The following PRKN variants were observed in gnomAD, a reference collection of about 807,000 sequenced individuals.
PRKN encodes parkin RBR E3 ubiquitin protein ligase.
Under a neutral mutation model 59.5 loss-of-function variants are expected in PRKN, and 56 were observed. The observed-to-expected ratio is 0.94, with a 90% confidence interval of 0.76 to 1.18. The LOEUF (loss-of-function observed/expected upper bound fraction) is 1.18, where lower values mean the gene tolerates loss of function less well. Ranked by LOEUF, PRKN falls within the 50% of genes most tolerant of loss-of-function variation. The probability of loss-of-function intolerance (pLI) is 0.00; values close to 1 mark genes in which losing one functional copy is unlikely to be tolerated. For missense variants in PRKN, 657 were observed against 596.4 expected, an observed-to-expected ratio of 1.10 and a Z score of -1.06; for synonymous variants, 250 against 222.1, an observed-to-expected ratio of 1.13 and a Z score of -1.12.
At chr6:162,429,193 T>C (rs1053039822) in intron 2 of PRKN, among the ~76,000 whole-genome samples, 1 of 152,182 alleles carries the variant, frequency 6.6e-6, no homozygotes, top group Non-Finnish European at 1.5e-5. Flanking sequence ...CATCTAGAAC[T>C]GGCTGGGGGC....
At chr6:162,672,487 C>A (rs1380120024) in intron 1 of PRKN, among the ~76,000 whole-genome samples, 1 of 152,036 alleles carries the variant, frequency 6.6e-6, no homozygotes, top group African/African-American at 2.4e-5. Flanking sequence ...AAAGAAGATA[C>A]AATGAAGTTG....
At chr6:162,716,646 G>A (rs1413555919) in intron 1 of PRKN, among the ~76,000 whole-genome samples, 2 of 152,188 alleles carry the variant, frequency 1.3e-5, no homozygotes, top group African/African-American at 4.8e-5. Context: ...AATGCACTAT[G>A]GGAGTCCAGG....
chr6:162,488,549 C>G (rs1792661171), intron 1 of PRKN, among the ~76,000 whole-genome samples: 1 of 152,284 alleles, frequency 6.6e-6, no homozygotes, highest in Non-Finnish European at 1.5e-5. Flanking sequence ...TCCTCAGAGG[C>G]TATCCAGCAT....
chr6:162,183,190 A>G (rs1783874200), intron 4 of PRKN, among the ~76,000 whole-genome samples: 1 of 152,152 alleles, frequency 6.6e-6, no homozygotes, highest in Non-Finnish European at 1.5e-5. Flanking sequence ...CACATTGAGA[A>G]CCACATGCAT....
In PRKN at chr6:162,201,182, T is replaced by G. The variant is rs137853057; in HGVS notation, c.483A>C (p.Lys161Asn). Residue 161 changes from lysine to asparagine, a missense_variant, in exon 4 of 12, where the codon AAA (lysine) becomes AAC (asparagine). Coordinates refer to ENST00000366898, the MANE Select transcript of PRKN (RefSeq NM_004562.3). ...TGCAGGTGCTGCACTGTACCCTGAG[T>G]TTTCCCGGCTGCACTCTTTGACAGG... ...KGPCQRVQPG[K>N]LRVQCSTCRQ... 1 of 1,613,934 alleles carries G rather than the reference T, an allele frequency of 6.2e-7. No individual in the cohort carries two copies.
At chr6:161,569,898 G>A (rs1021749100) in intron 7 of PRKN, among the ~76,000 whole-genome samples, 1 of 151,974 alleles carries the variant, frequency 6.6e-6, no homozygotes, top group Non-Finnish European at 1.5e-5. Context: ...CCATTCTTTG[G>A]GGGGCTCAGC....
At chr6:162,449,482 C>T (rs1190625161) in intron 1 of PRKN, among the ~76,000 whole-genome samples, 1 of 152,180 alleles carries the variant, frequency 6.6e-6, no homozygotes, top group African/African-American at 2.4e-5. Flanking sequence ...ATTTCATCTT[C>T]ATTGGGTTGT....
intron 7 of PRKN, among the ~76,000 whole-genome samples, chr6:161,743,844 G>A (rs1472501749): frequency 6.6e-6 from 1 of 152,194 alleles, no homozygotes; most frequent in Non-Finnish European, 1.5e-5. Context: ...TCATCGAGAA[G>A]TCTGGTCAAT....
chr6:161,570,146 A>AAAAATAT (rs869285771), intron 7 of PRKN, among the ~76,000 whole-genome samples: 3 of 76,588 alleles, frequency 3.9e-5, no homozygotes, highest in African/African-American at 2.1e-4. Flanking sequence ...AAAAAAAAAA[A>AAAAATAT]ATATATATAT....
intron 4 of PRKN, among the ~76,000 whole-genome samples, chr6:162,090,133 G>A (rs577402046): frequency 7.2e-5 from 11 of 151,906 alleles, no homozygotes; most frequent in African/African-American, 2.2e-4. Flanking sequence ...GAGGAACCAC[G>A]CAGTATTTGT....
At chr6:162,678,474 C>T (rs369320384) in intron 1 of PRKN, among the ~76,000 whole-genome samples, 2 of 152,180 alleles carry the variant, frequency 1.3e-5, no homozygotes, top group Non-Finnish European at 2.9e-5. Flanking sequence ...TGGCATCTTT[C>T]AAATTTCAGA....
At chr6:162,560,427 A>C (rs530221718) in intron 1 of PRKN, among the ~76,000 whole-genome samples, 38 of 152,320 alleles carry the variant, frequency 2.5e-4, no homozygotes, top group African/African-American at 8.9e-4. Context: ...GTCAGGTCAT[A>C]ATCAATGTCC....
intron 2 of PRKN, among the ~76,000 whole-genome samples, chr6:162,382,727 A>T (rs958720852): frequency 7.2e-5 from 11 of 152,176 alleles, no homozygotes; most frequent in African/African-American, 2.4e-4. Context: ...TCTTTCTTTC[A>T]TGAAAGATTT....
intron 5 of PRKN, among the ~76,000 whole-genome samples, chr6:162,053,181 C>T (rs150776308): frequency 6.6e-6 from 1 of 152,138 alleles, no homozygotes; most frequent in African/African-American, 2.4e-5. Flanking sequence ...TGCCCACTGC[C>T]ATCCTGGTAT....
intron 9 of PRKN, among the ~76,000 whole-genome samples, chr6:161,469,545 G>A (rs1790666830): frequency 6.8e-6 from 1 of 146,506 alleles, no homozygotes; most frequent in South Asian, 2.1e-4. Flanking sequence ...GTGAACAAGA[G>A]AAAGAGAGAG....
intron 3 of PRKN, among the ~76,000 whole-genome samples, chr6:162,261,885 C>T (rs902850491): frequency 6.6e-6 from 1 of 152,126 alleles, no homozygotes; most frequent in African/African-American, 2.4e-5. Context: ...TTCCATCTTG[C>T]AGGCCCCAGA....
intron 6 of PRKN, among the ~76,000 whole-genome samples, chr6:161,958,522 T>A (rs1057261647): frequency 6.6e-6 from 1 of 152,182 alleles, no homozygotes; most frequent in Non-Finnish European, 1.5e-5. Flanking sequence ...TAATAATAAT[T>A]AAAACTCTGT....
chr6:162,623,348 A>G (rs1225941371), intron 1 of PRKN, among the ~76,000 whole-genome samples: 1 of 152,172 alleles, frequency 6.6e-6, no homozygotes, highest in African/African-American at 2.4e-5. Flanking sequence ...TTCTGAAATC[A>G]GTGATCACTT....
rs899588092 is a variant in PRKN at position 161,561,344 on chromosome 6, G to A, written c.933+8011C>T. On this transcript the variant is annotated intron_variant, in intron 8 of 11. Transcript: ENST00000366898. The surrounding 1 kb of genome is among the most constrained non-coding windows in gnomAD (Gnocchi z 5.0). Reference sequence around the variant, plus strand: ...CAATTTTTTGGTTCCTAAGACCAATGTAGGTAGGACCTGCCTCTCTCCAGC... The same window carrying A: ...CAATTTTTTGGTTCCTAAGACCAATATAGGTAGGACCTGCCTCTCTCCAGC... Among the ~76,000 whole-genome samples, 2 of 152,172 alleles carry A rather than the reference G, an allele frequency of 1.3e-5. No homozygotes were observed. Among genetic ancestry groups the A allele is most frequent in the Non-Finnish European group, 2.9e-5 (2 of 68,020 alleles).
Sources: allele counts gnomAD v4.1 joint callset (sites outside exome capture counted in the v4.1 genomes callset), GRCh38; gene constraint gnomAD v4.1.1; non-coding constraint Gnocchi (gnomAD v3.1); transcripts MANE v1.5; gene names NCBI Gene and HGNC (gene_info 2026-07-23, HGNC 2026-07-21).